The following MYO18B variants were observed in gnomAD, a reference collection of about 807,000 sequenced individuals.
MYO18B encodes the protein myosin XVIIIB, also known as unconventional myosin-XVIIIb.
Under a neutral mutation model 273.0 loss-of-function variants are expected in MYO18B, and 204 were observed. The ratio of observed to expected loss-of-function variants is 0.75; its 90% CI spans 0.67 to 0.84. MYO18B has a LOEUF of 0.84. Ranked by LOEUF, MYO18B falls within the 40% of genes least tolerant of loss-of-function variation. The probability of loss-of-function intolerance (pLI) is 0.00; values close to 1 mark genes in which losing one functional copy is unlikely to be tolerated. For synonymous variants in MYO18B, 1,330 were observed against 1,305.7 expected (o/e 1.02, Z -0.40); for missense variants, 3,212 against 3,287.6 (o/e 0.98, Z 0.56).
At chr22:25,815,904 C>T (rs542358302) in intron 12 of MYO18B, among the ~76,000 whole-genome samples, 81 of 152,334 alleles carry the variant, frequency 5.3e-4, no homozygotes, top group African/African-American at 1.9e-3. Flanking sequence ...GTGCTGTGTT[C>T]TCAGTTGTTA....
At chr22:25,752,315 G>C (rs1038902093) in intron 1 of MYO18B, among the ~76,000 whole-genome samples, 1 of 148,912 alleles carries the variant, frequency 6.7e-6, no homozygotes, top group Admixed American at 6.6e-5. Flanking sequence ...AGCCTCCCAA[G>C]TAGCTGGGAC....
chr22:25,876,481 C>G, intron 24 of MYO18B, 149 bp downstream of exon 24: 8 of 839,056 alleles, frequency 9.5e-6, no homozygotes, highest in Non-Finnish European at 1.4e-5. Flanking sequence ...TCCAGATGTT[C>G]CTCTGCCTCC....
At chr22:25,771,775 A>G (rs900885331) in intron 6 of MYO18B, among the ~76,000 whole-genome samples, 3 of 152,242 alleles carry the variant, frequency 2.0e-5, no homozygotes, top group Admixed American at 6.5e-5. Flanking sequence ...AGAGAATAAT[A>G]GGACGCCTCT....
chr22:25,863,848 T>C (rs1475386820), intron 21 of MYO18B, among the ~76,000 whole-genome samples: 4 of 152,234 alleles, frequency 2.6e-5, no homozygotes, highest in Non-Finnish European at 5.9e-5. Context: ...GTCTCTCTTA[T>C]TCTTGTGTTT....
At chr22:26,003,345 A>G (rs376843859) in intron 41 of MYO18B, 36 bp downstream of exon 41, 404 of 1,577,124 alleles carry the variant, frequency 2.6e-4, no homozygotes, top group Admixed American at 2.3e-4. Flanking sequence ...GCAGCTCACA[A>G]GGGTGAGCCC....
chr22:25,920,944 A>T (rs1444004843), intron 33 of MYO18B, among the ~76,000 whole-genome samples: 1 of 152,230 alleles, frequency 6.6e-6, no homozygotes, highest in African/African-American at 2.4e-5. Context: ...AAGAGATGGG[A>T]TGACAGAGTG....
intron 11 of MYO18B, among the ~76,000 whole-genome samples, chr22:25,792,556 G>A (rs1162253207): frequency 5.4e-5 from 7 of 129,284 alleles, no homozygotes; most frequent in East Asian, 2.5e-4. Flanking sequence ...GTGCAATGGC[G>A]CGGTCTCGGC....
chr22:25,893,414 A>T (rs1017103221), intron 27 of MYO18B, among the ~76,000 whole-genome samples: 1 of 152,154 alleles, frequency 6.6e-6, no homozygotes, highest in African/African-American at 2.4e-5. Context: ...ATGGGCAGGG[A>T]GGTTGAAGGT....
chr22:25,851,391 G>T, intron 20 of MYO18B, 79 bp from the exon 21 acceptor site: 1 of 959,100 alleles, frequency 1.0e-6, no homozygotes, highest in African/African-American at 1.6e-5. Flanking sequence ...CTGCACTCCT[G>T]TCTAGGGGTT....
At chr22:25,797,578 C>A (rs566477822) in intron 11 of MYO18B, among the ~76,000 whole-genome samples, 6 of 152,290 alleles carry the variant, frequency 3.9e-5, no homozygotes, top group African/African-American at 1.2e-4. Context: ...TAGCCCTTTT[C>A]ATACTTAGTT....
At chr22:25,996,901 C>G (rs1569277417) in intron 40 of MYO18B, among the ~76,000 whole-genome samples, 1 of 152,148 alleles carries the variant, frequency 6.6e-6, no homozygotes, top group Non-Finnish European at 1.5e-5. Context: ...TCCTCTTTCC[C>G]TTTCTCCTAC....
intron 34 of MYO18B, among the ~76,000 whole-genome samples, chr22:25,930,482 TG>T (rs1055853415): frequency 9.9e-5 from 15 of 151,774 alleles, no homozygotes; most frequent in African/African-American, 3.6e-4. Context: ...GTTGGTCCTC[TG>T]CTGTCTCGGG....
intron 38 of MYO18B, among the ~76,000 whole-genome samples, chr22:25,954,588 C>T (rs909078183): frequency 6.6e-6 from 1 of 152,174 alleles, no homozygotes; most frequent in African/African-American, 2.4e-5. Context: ...CAGAGGGCCT[C>T]CATAACGTGC....
At chr22:25,813,142 T>C in intron 12 of MYO18B, among the ~76,000 whole-genome samples, 1 of 142,056 alleles carries the variant, frequency 7.0e-6, no homozygotes. Flanking sequence ...TCCCTCCTCC[T>C]CCTCCTTCTT....
At chr22:25,835,468 G>C in intron 17 of MYO18B, 25 bp downstream of exon 17, 1 of 1,613,024 alleles carries the variant, frequency 6.2e-7, no homozygotes, top group Non-Finnish European at 8.5e-7. Context: ...GGCTGGGGAT[G>C]GGGCCTGAGT....
intron 39 of MYO18B, among the ~76,000 whole-genome samples, chr22:25,982,601 T>C (rs1026051683): frequency 2.0e-5 from 3 of 152,204 alleles, no homozygotes; most frequent in African/African-American, 7.2e-5. Context: ...TAGCTTCTAG[T>C]GTCTGCCAGC....
chr22:25,876,023 TG>T (rs2146195228), intron 23 of MYO18B, among the ~76,000 whole-genome samples, 165 bp from the exon 24 acceptor site: 1 of 143,388 alleles, frequency 7.0e-6, no homozygotes, highest in Admixed American at 6.8e-5. Flanking sequence ...TGTGTGTGTG[TG>T]TGTGTGTGTG....
chr22:26,005,049 C>T lies in MYO18B; in HGVS notation c.6470+194C>T, dbSNP rs113972417. Among the ~76,000 whole-genome samples the T allele has an allele frequency of 3.5e-3, 538 of 152,320 alleles. 2 individuals are homozygous for T. The highest frequency in any genetic ancestry group is 0.012 in the African/African-American group (513 of 41,568). ...ATCCTTTACCCTCTCTGAGCTTCTA[C>T]TTCCTCATCTGCAATACATGGAATA... On this transcript the variant is annotated intron_variant, in intron 42 of 43. Coordinates refer to ENST00000335473, the MANE Select transcript of MYO18B (RefSeq NM_032608.7).
intron 1 of MYO18B, among the ~76,000 whole-genome samples, chr22:25,753,928 A>G (rs1264770926): frequency 6.6e-6 from 1 of 152,188 alleles, no homozygotes; most frequent in Non-Finnish European, 1.5e-5. Context: ...AATTCCAGAC[A>G]CAGGGTCTTT....
Sources: gnomAD v4.1 joint callset for allele counts (sites outside exome capture counted in the v4.1 genomes callset) on GRCh38, gnomAD v4.1.1 for gene constraint, MANE v1.5 for transcripts, NCBI Gene and HGNC (gene_info 2026-07-23, HGNC 2026-07-21) for gene names.